The following TG variants were observed in gnomAD, a reference collection of about 807,000 sequenced individuals.
TG encodes the protein thyroid hormones.
Under a neutral mutation model 324.7 loss-of-function variants are expected in TG, and 270 were observed. The observed-to-expected ratio is 0.83, with a 90% CI of 0.75 to 0.92. TG has a LOEUF of 0.92. TG is among the 40% of genes least tolerant of loss of function. The pLI, the probability that TG is intolerant of heterozygous loss-of-function variation, is 0.00. For synonymous variants in TG, 1,401 were observed against 1,327.0 expected (o/e 1.06, Z -1.21); for missense variants, 3,591 against 3,456.4 (o/e 1.04, Z -0.98).
At chr8:132,943,925 T>A (rs1472103100) in intron 26 of TG, among the ~76,000 whole-genome samples, 1 of 152,180 alleles carries the variant, frequency 6.6e-6, no homozygotes, top group Non-Finnish European at 1.5e-5. Context: ...GCTTTCTGGG[T>A]TGAATCCTTA....
chr8:132,888,300 T>C lies in TG; in HGVS notation c.2493T>C (p.Asp831=). ...GTCTGTATGAGGCTGGCCAGCAAGA[T>C]GTCTTCCCGGTGCTGTCACAATACC... The part of the protein sequence containing the change: ...IQSLYEAGQQ[D]VFPVLSQYPS... Residue 831 remains aspartate (D), a synonymous_variant, in exon 10 of 48, where the codon GAT becomes GAC. Coordinates refer to ENST00000220616, the MANE Select transcript of TG (RefSeq NM_003235.5). The C allele has an allele frequency of 6.2e-7, 1 of 1,614,042 alleles. No individual in the cohort carries two copies. Among genetic ancestry groups the C allele is most frequent in the South Asian group, 1.1e-5 (1 of 91,074 alleles).
chr8:133,068,579 C>G (rs1212319477), intron 41 of TG, among the ~76,000 whole-genome samples: 1 of 152,084 alleles, frequency 6.6e-6, no homozygotes, highest in African/African-American at 2.4e-5. Flanking sequence ...CCTGGGTGTT[C>G]TCATGGAAGG....
intron 8 of TG, among the ~76,000 whole-genome samples, chr8:132,883,568 C>T (rs143437244): frequency 4.6e-5 from 7 of 152,192 alleles, no homozygotes; most frequent in Non-Finnish European, 1.0e-4. Flanking sequence ...GGTGGTGCTC[C>T]GGACTCTGAA....
At chr8:132,940,303 C>A (rs1824262846) in intron 25 of TG, among the ~76,000 whole-genome samples, 1 of 152,156 alleles carries the variant, frequency 6.6e-6, no homozygotes, top group Non-Finnish European at 1.5e-5. Context: ...CATGTCAAGA[C>A]TTTTCCTCAA....
chr8:132,868,235 G>A lies in TG; in HGVS notation c.176+12G>A, dbSNP rs1331414500. ...GATGGCAGCTTCCAGTAAGGCTTAT[G>A]TCAGCAGCGAACTCTCAAGGTCCAA... On this transcript the variant is annotated intron_variant, in intron 2 of 47. Coordinates refer to ENST00000220616, the MANE Select transcript of TG (RefSeq NM_003235.5). 3 of 1,612,496 alleles carry A rather than the reference G, an allele frequency of 1.9e-6. No individual in the cohort carries two copies. The highest frequency in any genetic ancestry group is 2.5e-6 in the Non-Finnish European group (3 of 1,178,946).
intron 41 of TG, among the ~76,000 whole-genome samples, chr8:133,044,582 G>A (rs1026157711): frequency 6.6e-6 from 1 of 152,130 alleles, no homozygotes; most frequent in Non-Finnish European, 1.5e-5. Flanking sequence ...TCATCGCAGA[G>A]GCGTTTCATG....
At position 132,875,970 on chromosome 8, in the gene TG, G is replaced by A. The variant is rs566882654; in HGVS notation, c.638+2749G>A. Among the ~76,000 whole-genome samples the A allele has an allele frequency of 2.6e-5, 4 of 152,272 alleles. No individual in the cohort carries two copies. In the South Asian group the frequency reaches 6.2e-4, roughly 24 times the overall value. ...CGACTCAGGTTTCTAGGTAAAATAC[G>A]AGACAGCAAGTTACGTTTGAATTTC... On this transcript the variant is annotated intron_variant, in intron 5 of 47. Transcript: ENST00000220616.
intron 16 of TG, among the ~76,000 whole-genome samples, chr8:132,906,103 GGCCT>G (rs1818639233): frequency 1.3e-5 from 2 of 152,150 alleles, no homozygotes; most frequent in Non-Finnish European, 2.9e-5. Flanking sequence ...GAGGAGGTGA[GGCCT>G]AAATGCAGAA....
At chr8:133,001,854 C>T in intron 35 of TG, 1 of 985,460 alleles carries the variant, frequency 1.0e-6, no homozygotes, top group Non-Finnish European at 1.2e-6. Context: ...CCCAGCCAGC[C>T]TGTGCAGGTG....
In TG at chr8:132,939,969, C is replaced by G. The variant is rs142955516; in HGVS notation, c.5042-1382C>G. On this transcript the variant is annotated intron_variant, in intron 25 of 47. Transcript: ENST00000220616. ...GGGATTACAGGCATGAGCCACCATG[C>G]CCGGCCCCAGTATATGTTTTTTTTA... 8.3e-3 allele frequency among the ~76,000 whole-genome samples: 1,269 copies of G among 152,246 alleles called. 14 individuals carry two copies. The highest frequency in any genetic ancestry group is 0.014 in the Non-Finnish European group (923 of 68,008).
chr8:132,869,257 C>G (rs1253435393), intron 2 of TG, among the ~76,000 whole-genome samples: 1 of 152,200 alleles, frequency 6.6e-6, no homozygotes, highest in East Asian at 1.9e-4. Flanking sequence ...TCAGTTCAGT[C>G]ATCATTTCTG....
intron 41 of TG, among the ~76,000 whole-genome samples, chr8:133,041,200 C>T (rs940786920): frequency 4.6e-5 from 7 of 152,228 alleles, no homozygotes; most frequent in African/African-American, 1.7e-4. Flanking sequence ...GGCTAAGCCA[C>T]CCCTGGCCTC....
At chr8:133,020,040 G>A (rs1403799436) in intron 39 of TG, among the ~76,000 whole-genome samples, 3 of 152,140 alleles carry the variant, frequency 2.0e-5, no homozygotes, top group Non-Finnish European at 4.4e-5. Context: ...TTGATAAATC[G>A]ATTAGTCAAT....
rs780569868 is a variant in TG, at chr8:132,935,740, A to G, written c.4933-16A>G. 2 of 1,597,396 alleles carry G rather than the reference A, an allele frequency of 1.3e-6. No individual in the cohort carries two copies. The highest frequency in any genetic ancestry group is 3.3e-5 in the Admixed American group (2 of 59,992). On this transcript the variant is annotated splice_polypyrimidine_tract_variant and intron_variant, in intron 24 of 47. Coordinates refer to ENST00000220616, the MANE Select transcript of TG (RefSeq NM_003235.5). ...AAGTATTGCAGGATAATAATGCAGC[A>G]TCTTTCCATCTCCAGAAACGAGATG...
At chr8:132,905,278 C>T (rs1818517138) in intron 16 of TG, among the ~76,000 whole-genome samples, 1 of 152,152 alleles carries the variant, frequency 6.6e-6, no homozygotes, top group African/African-American at 2.4e-5. Context: ...CAGGCTGGTC[C>T]AGAGCTCATA....
In TG at chr8:132,887,242, G is replaced by A; in HGVS notation, c.1870G>A (p.Gly624Arg). 6.2e-7 allele frequency: 1 copy of A among 1,606,000 alleles called. No individual in the cohort carries two copies. Among genetic ancestry groups the A allele is most frequent in the Non-Finnish European group, 8.5e-7 (1 of 1,175,126 alleles). The change falls in exon 9 of 48, where the codon GGA (glycine) becomes AGA (arginine). Residue 624 changes from glycine to arginine, a missense_variant. Gly to Arg is a moderately radical substitution (Grantham distance 125). Transcript: ENST00000220616. ...ATTTGTCCCATCATGCACGACAGAAGGAAGCTATGAGGATGTCCAATGCTT... is the reference window on the plus strand; with the variant it reads ...ATTTGTCCCATCATGCACGACAGAAAGAAGCTATGAGGATGTCCAATGCTT... Reference protein sequence around the residue: ...RLFVPSCTTEGSYEDVQCFSG... With the variant: ...RLFVPSCTTERSYEDVQCFSG...
intron 23 of TG, 128 bp from the exon 24 acceptor site, chr8:132,933,433 T>TG: frequency 3.9e-6 from 3 of 767,020 alleles, no homozygotes; most frequent in Non-Finnish European, 4.6e-6. Flanking sequence ...TATCTGCATA[T>TG]TTGTGTGTGT....
chr8:132,974,790 C>G (rs1246573424), intron 34 of TG, among the ~76,000 whole-genome samples: 1 of 152,166 alleles, frequency 6.6e-6, no homozygotes, highest in Non-Finnish European at 1.5e-5. Context: ...CATGAAAGAT[C>G]CAGATGCAGC....
chr8:133,126,244 C>G (rs948403647), intron 45 of TG, among the ~76,000 whole-genome samples: 1 of 152,136 alleles, frequency 6.6e-6, no homozygotes, highest in Non-Finnish European at 1.5e-5. Context: ...AGTGCATGAT[C>G]TATTATTTCC....
Sources: allele counts gnomAD v4.1 joint callset (sites outside exome capture counted in the v4.1 genomes callset), GRCh38; gene constraint gnomAD v4.1.1; transcripts MANE v1.5; gene names NCBI Gene and HGNC (gene_info 2026-07-23, HGNC 2026-07-21).